TACR1: variants seen among roughly 807,000 people sequenced by gnomAD.
TACR1 encodes tachykinin receptor 1.
TACR1 carries 25 observed loss-of-function variants against 35.8 expected under a neutral mutation model. That is an observed-to-expected ratio of 0.70 (90% CI 0.51 to 0.98). The LOEUF (loss-of-function observed/expected upper bound fraction) is 0.98. TACR1 is among the 50% of genes least tolerant of loss of function. The pLI, the probability that TACR1 is intolerant of heterozygous loss-of-function variation, is 0.00. For synonymous variants in TACR1, 195 were observed against 206.7 expected, an observed-to-expected ratio of 0.94 and a Z score of 0.48; for missense variants, 478 against 522.9, an observed-to-expected ratio of 0.91 and a Z score of 0.84.
chr2:75,088,995 G>A (rs142293802), intron 2 of TACR1, among the ~76,000 whole-genome samples: 1 of 152,240 alleles, frequency 6.6e-6, no homozygotes, highest in African/African-American at 2.4e-5. Context: ...GCTCTCTTGG[G>A]ATGCATGTAG....
intron 2 of TACR1, among the ~76,000 whole-genome samples, chr2:75,059,877 G>A (rs1254491714): frequency 6.6e-6 from 1 of 152,144 alleles, no homozygotes; most frequent in Non-Finnish European, 1.5e-5. Context: ...GGTGCTAGAT[G>A]CTTGACTTTT....
chr2:75,157,644 A>C (rs1002931190), intron 1 of TACR1, among the ~76,000 whole-genome samples: 2 of 152,226 alleles, frequency 1.3e-5, no homozygotes, highest in African/African-American at 4.8e-5. Flanking sequence ...CAGGAAGAGG[A>C]GTGCCCTGTC....
intron 2 of TACR1, among the ~76,000 whole-genome samples, chr2:75,116,577 T>C (rs1001893437): frequency 6.6e-6 from 1 of 152,136 alleles, no homozygotes; most frequent in Non-Finnish European, 1.5e-5. Context: ...TTCTGAGTTA[T>C]AGGGTATGCA....
At chr2:75,099,267 C>G (rs1673485441) in intron 2 of TACR1, among the ~76,000 whole-genome samples, 1 of 152,156 alleles carries the variant, frequency 6.6e-6, no homozygotes, top group Non-Finnish European at 1.5e-5. Context: ...AGCTCCTTCT[C>G]TCTTTTGCAT....
intron 1 of TACR1, among the ~76,000 whole-genome samples, chr2:75,134,746 A>G (rs543220597): frequency 6.6e-6 from 1 of 152,300 alleles, no homozygotes; most frequent in Admixed American, 6.5e-5. Context: ...TGTATCTTCT[A>G]TTTCATTGAA....
At chr2:75,128,038 G>T (rs545188264) in intron 1 of TACR1, among the ~76,000 whole-genome samples, 1 of 152,172 alleles carries the variant, frequency 6.6e-6, no homozygotes, top group African/African-American at 2.4e-5. Flanking sequence ...TGGACGGTAA[G>T]CTTCCTGAGG....
Position 75,047,467 on chromosome 2 carries a change from T to C in TACR1, c.*1965A>G, listed in dbSNP as rs1280877846. ...AGAGGAGGCACTCAGTTAATCCTCG[T>C]TGAGCTCAACTCTAACCTTCTCTTC... On this transcript the variant is annotated 3_prime_UTR_variant, in exon 5 of 5. Transcript: ENST00000305249. 2 of 152,250 alleles carry C rather than the reference T, an allele frequency of 1.3e-5. No homozygotes were observed. Among genetic ancestry groups the C allele is most frequent in the Admixed American group, 6.5e-5 (1 of 15,288 alleles). 9.4% of individuals were successfully genotyped at this position (152,250 alleles called of 1,614,324 possible). A position where few individuals can be genotyped will look rare whatever the true frequency, so the allele number is the denominator to read the frequency against.
intron 2 of TACR1, among the ~76,000 whole-genome samples, chr2:75,094,515 G>A (rs932667856): frequency 6.6e-6 from 1 of 152,094 alleles, no homozygotes; most frequent in African/African-American, 2.4e-5. Context: ...TACATAGTTT[G>A]TGATTCTCAA....
intron 2 of TACR1, among the ~76,000 whole-genome samples, chr2:75,107,182 T>C (rs1200123506): frequency 6.6e-6 from 1 of 151,912 alleles, no homozygotes; most frequent in Non-Finnish European, 1.5e-5. Context: ...TGTTACTAAA[T>C]GTATAATCTA....
At position 75,198,715 on chromosome 2, in the gene TACR1, G is replaced by C. The variant is rs200411690; in HGVS notation, c.220C>G (p.Leu74Val). The C allele has an allele frequency of 3.1e-6, 5 of 1,614,100 alleles. No individual in the cohort carries two copies. In the African/African-American group the frequency reaches 4.0e-5, roughly 13 times the overall value. ...RTVTNYFLVN[L>V]AFAEASMAAF... ...GCCATGGAGGCCTCCGCGAAGGCCAGGTTCACCAGAAAATAGTTCGTCACT... is the reference window on the plus strand; with the variant it reads ...GCCATGGAGGCCTCCGCGAAGGCCACGTTCACCAGAAAATAGTTCGTCACT... The change falls in exon 1 of 5, where the codon CTG becomes GTG. Residue 74 changes from leucine to valine, a missense_variant. Physicochemically the swap from Leu to Val is conservative, Grantham distance 32. Coordinates refer to ENST00000305249, the MANE Select transcript of TACR1 (RefSeq NM_001058.4).
intron 4 of TACR1, 56 bp downstream of exon 4, chr2:75,051,195 T>G: frequency 6.2e-7 from 1 of 1,611,164 alleles, no homozygotes; most frequent in East Asian, 2.2e-5. Context: ...GCTTGGCCAC[T>G]GTGTATGTAG....
intron 2 of TACR1, among the ~76,000 whole-genome samples, chr2:75,109,375 C>T (rs1323782529): frequency 1.3e-5 from 2 of 152,132 alleles, no homozygotes; most frequent in Non-Finnish European, 2.9e-5. Flanking sequence ...ACACGTACTC[C>T]TTTTTAAATC....
chr2:75,114,985 T>G (rs1351562567), intron 2 of TACR1, among the ~76,000 whole-genome samples: 1 of 152,100 alleles, frequency 6.6e-6, no homozygotes, highest in African/African-American at 2.4e-5. Context: ...GGAATATAGC[T>G]AGAAGCAGCT....
chr2:75,098,304 A>G (rs1476512259), intron 2 of TACR1, among the ~76,000 whole-genome samples: 1 of 152,158 alleles, frequency 6.6e-6, no homozygotes, highest in Non-Finnish European at 1.5e-5. Flanking sequence ...CAAACATAAC[A>G]TGAGCATTTT....
At chr2:75,166,985 T>G (rs1675159206) in intron 1 of TACR1, among the ~76,000 whole-genome samples, 1 of 152,220 alleles carries the variant, frequency 6.6e-6, no homozygotes, top group Non-Finnish European at 1.5e-5. Flanking sequence ...ACTAAATAGA[T>G]AGCAAACATT....
chr2:75,113,756 C>G (rs1043796394), intron 2 of TACR1, among the ~76,000 whole-genome samples: 5 of 151,934 alleles, frequency 3.3e-5, no homozygotes, highest in Non-Finnish European at 7.4e-5. Context: ...CAACAGCTAG[C>G]ATAAACAATC....
At chr2:75,101,387 C>T (rs942956574) in intron 2 of TACR1, among the ~76,000 whole-genome samples, 1 of 152,008 alleles carries the variant, frequency 6.6e-6, no homozygotes, top group Non-Finnish European at 1.5e-5. Context: ...CACTGTGTAC[C>T]AGACACTGTG....
At chr2:75,080,980 G>A (rs988620046) in intron 2 of TACR1, among the ~76,000 whole-genome samples, 3 of 152,204 alleles carry the variant, frequency 2.0e-5, no homozygotes, top group African/African-American at 7.2e-5. Context: ...GGATGAATGA[G>A]TCAGGAAGAG....
At chr2:75,115,122 T>TG (rs1491540095) in intron 2 of TACR1, among the ~76,000 whole-genome samples, 2 of 150,118 alleles carry the variant, frequency 1.3e-5, no homozygotes, top group African/African-American at 2.5e-5. Flanking sequence ...TGTGTGTGTC[T>TG]TCACATCATG....
Sources: allele counts gnomAD v4.1 joint callset (sites outside exome capture counted in the v4.1 genomes callset), GRCh38; gene constraint gnomAD v4.1.1; transcripts MANE v1.5; gene names NCBI Gene and HGNC (gene_info 2026-07-23, HGNC 2026-07-21).